Variants in METTL9 observed in about 807,000 individuals in gnomAD.
METTL9 encodes protein-L-histidine N-pros-methyltransferase.
METTL9 carries 10 observed loss-of-function variants against 36.0 expected under a neutral mutation model. The ratio of observed to expected loss-of-function variants is 0.28; its 90% CI spans 0.17 to 0.47. METTL9 has a LOEUF of 0.47. Ranked by LOEUF, METTL9 falls within the 20% of genes least tolerant of loss-of-function variation. The pLI, the probability that METTL9 is intolerant of heterozygous loss-of-function variation, is 0.99. For synonymous variants in METTL9, 175 were observed against 149.7 expected, an observed-to-expected ratio of 1.17 and a Z score of -1.23; for missense variants, 246 against 383.5, an observed-to-expected ratio of 0.64 and a Z score of 3.00.
At chr16:21,643,139 G>A (rs192939219) in intron 4 of METTL9, 13 of 1,605,484 alleles carry the variant, frequency 8.1e-6, no homozygotes, top group African/African-American at 8.0e-5. Flanking sequence ...TGAAAAATAC[G>A]CCGAGCACTC....
intron 4 of METTL9, chr16:21,652,552 T>G (rs757339391): frequency 6.2e-7 from 1 of 1,611,464 alleles, no homozygotes; most frequent in African/African-American, 1.3e-5. Flanking sequence ...TAGAATGAGA[T>G]TGGTTTGCAG....
At chr16:21,608,342 G>A (rs1007740291) in intron 1 of METTL9, among the ~76,000 whole-genome samples, 2 of 152,050 alleles carry the variant, frequency 1.3e-5, no homozygotes, top group African/African-American at 4.8e-5. Flanking sequence ...TTCACCTTAA[G>A]GGCAAGGTGA....
At chr16:21,652,847 G>A (rs1966613583) in intron 4 of METTL9, 2 of 407,262 alleles carry the variant, frequency 4.9e-6, no homozygotes, top group Non-Finnish European at 8.7e-6. Flanking sequence ...GATGTTTCTG[G>A]GTGAGATTTT....
chr16:21,615,667 A>G (rs1965537746), intron 2 of METTL9, among the ~76,000 whole-genome samples: 1 of 152,164 alleles, frequency 6.6e-6, no homozygotes, highest in South Asian at 2.1e-4. Flanking sequence ...ACGCTCTGGG[A>G]AAATTTAAGC....
chr16:21,632,232 G>A (rs1192243357), intron 4 of METTL9, among the ~76,000 whole-genome samples: 3 of 152,214 alleles, frequency 2.0e-5, no homozygotes, highest in Non-Finnish European at 4.4e-5. Flanking sequence ...TGCAGCATTG[G>A]CATGTAGGAT....
intron 4 of METTL9, chr16:21,627,625 C>T (rs1428829318): frequency 6.5e-6 from 1 of 153,728 alleles, no homozygotes; most frequent in African/African-American, 2.4e-5. Context: ...AAAAAAAATA[C>T]TTCAAGCAAC....
At chr16:21,617,307 A>C (rs957303888) in intron 2 of METTL9, among the ~76,000 whole-genome samples, 1 of 151,658 alleles carries the variant, frequency 6.6e-6, no homozygotes, top group Non-Finnish European at 1.5e-5. Flanking sequence ...AGTCCCAGCT[A>C]CTCAGGAGGC....
intron 4 of METTL9, among the ~76,000 whole-genome samples, chr16:21,639,015 C>T (rs528916857): frequency 6.6e-6 from 1 of 152,268 alleles, no homozygotes; most frequent in South Asian, 2.1e-4. Context: ...ACACTGAAAT[C>T]TCTGAAACTG....
intron 4 of METTL9, chr16:21,652,454 CT>C: frequency 3.5e-6 from 4 of 1,135,788 alleles, no homozygotes; most frequent in Non-Finnish European, 3.9e-6. Context: ...TCTGAAGGAG[CT>C]TAAAATATAA....
intron 4 of METTL9, among the ~76,000 whole-genome samples, chr16:21,626,553 C>T (rs1249916425): frequency 6.6e-6 from 1 of 152,126 alleles, no homozygotes; most frequent in African/African-American, 2.4e-5. Flanking sequence ...TGGAAAAGAG[C>T]AGAGAGAACA....
At chr16:21,632,765 C>T (rs757449624) in intron 4 of METTL9, among the ~76,000 whole-genome samples, 12 of 152,078 alleles carry the variant, frequency 7.9e-5, no homozygotes, top group African/African-American at 1.7e-4. Flanking sequence ...AGATGGCCAC[C>T]GCCGCAACTA....
At chr16:21,597,647 T>A (rs1227693327), upstream of METTL9, among the ~76,000 whole-genome samples, 1 of 152,184 alleles carries the variant, frequency 6.6e-6, no homozygotes, top group Non-Finnish European at 1.5e-5. Flanking sequence ...TTTGTCTCCT[T>A]TGTCTTCAGA....
chr16:21,651,188 A>G (rs1966565725), intron 4 of METTL9, among the ~76,000 whole-genome samples: 1 of 152,182 alleles, frequency 6.6e-6, no homozygotes, highest in South Asian at 2.1e-4. Flanking sequence ...TTGCCACTGC[A>G]CTCCAGCCTG....
chr16:21,616,164 T>C (rs370811270), intron 2 of METTL9, among the ~76,000 whole-genome samples: 23 of 152,192 alleles, frequency 1.5e-4, no homozygotes, highest in Non-Finnish European at 2.5e-4. Context: ...CTGTACCTTA[T>C]GATTGTTTCC....
Position 21,599,631 on chromosome 16 carries a change from A to T in METTL9, c.-103A>T, listed in dbSNP as rs1256778675. ...GGGCTGGATGGGCAAGGCGGCCGCG[A>T]TGGCTCGAGCTCGGGCGGTGGCGGC... On this transcript the variant is annotated 5_prime_UTR_variant, in exon 1 of 5. The change abolishes an upstream ATG in the 5' untranslated region. Transcript: ENST00000358154. The surrounding 1 kb of genome is among the most constrained non-coding windows in gnomAD (Gnocchi z 4.4). 5.2e-6 allele frequency: 7 copies of T among 1,334,586 alleles called. No individual in the cohort carries two copies. Among genetic ancestry groups the T allele is most frequent in the Non-Finnish European group, 6.7e-6 (7 of 1,051,336 alleles). The allele number at this position is 1,334,586 out of a possible 1,614,324, so 82.7% of individuals were successfully genotyped here.
intron 4 of METTL9, among the ~76,000 whole-genome samples, chr16:21,630,921 C>T (rs867126937): frequency 1.3e-5 from 2 of 152,216 alleles, no homozygotes; most frequent in Middle Eastern, 3.4e-3. Flanking sequence ...TTCCTGTAAA[C>T]GCTGGGCGGC....
chr16:21,653,679 A>G (rs1342164499), intron 4 of METTL9: 2 of 152,704 alleles, frequency 1.3e-5, no homozygotes, highest in African/African-American at 2.4e-5. Context: ...TGTTGTCAGC[A>G]TCGCTCAACC....
intron 4 of METTL9, chr16:21,641,462 T>C: frequency 1.2e-6 from 1 of 804,332 alleles, no homozygotes; most frequent in Non-Finnish European, 2.0e-6. Flanking sequence ...GACCTGATGA[T>C]ATATGTTCAT....
At chr16:21,638,853 G>T (rs1270743081) in intron 4 of METTL9, among the ~76,000 whole-genome samples, 1 of 152,170 alleles carries the variant, frequency 6.6e-6, no homozygotes, top group Non-Finnish European at 1.5e-5. Context: ...CCCGAGGATA[G>T]TTTGCAAAAG....
Sources: gnomAD v4.1 joint callset for allele counts (sites outside exome capture counted in the v4.1 genomes callset) on GRCh38, gnomAD v4.1.1 for gene constraint, Gnocchi (gnomAD v3.1) non-coding constraint, MANE v1.5 for transcripts, NCBI Gene and HGNC (gene_info 2026-07-23, HGNC 2026-07-21) for gene names.